The following CCDC73 variants were observed in gnomAD, a reference collection of about 807,000 sequenced individuals.
CCDC73 encodes coiled-coil domain-containing protein 73.
In CCDC73, 95 loss-of-function variants were observed where a neutral mutation model predicts 116.5. The observed-to-expected ratio is 0.82, with a 90% confidence interval of 0.69 to 0.97. CCDC73 has a LOEUF of 0.97. Ranked by LOEUF, CCDC73 falls within the 50% of genes least tolerant of loss-of-function variation. The pLI, the probability that CCDC73 is intolerant of heterozygous loss-of-function variation, is 0.00. For missense variants in CCDC73, 1,066 were observed against 1,206.8 expected (o/e 0.88, Z 1.73); for synonymous variants, 398 against 401.3 (o/e 0.99, Z 0.10).
intron 14 of CCDC73, among the ~76,000 whole-genome samples, chr11:32,620,610 C>CAA (rs57643752): frequency 0.11 from 6,622 of 61,134 alleles, 634 homozygotes; most frequent in Middle Eastern, 0.12. Context: ...GACTCAGTCT[C>CAA]AAAAAAAAAA....
chr11:32,773,779 C>CAA (rs11448530), intron 1 of CCDC73, among the ~76,000 whole-genome samples: 2,611 of 144,468 alleles, frequency 0.018, 76 homozygotes, highest in African/African-American at 0.059. Flanking sequence ...GATGCTGTCT[C>CAA]AAAAAAAAAA....
the CCDC73 span, among the ~76,000 whole-genome samples, chr11:32,828,475 A>G: frequency 5.3e-5 from 8 of 150,126 alleles, no homozygotes; most frequent in African/African-American, 2.0e-4. Context: ...GTGCCACTGT[A>G]CTCCAGCCTG....
chr11:32,760,586 G>A (rs1343515278), intron 1 of CCDC73, among the ~76,000 whole-genome samples: 1 of 152,144 alleles, frequency 6.6e-6, no homozygotes, highest in Non-Finnish European at 1.5e-5. Context: ...TACACATTCT[G>A]CTTCCTAAAC....
intron 9 of CCDC73, among the ~76,000 whole-genome samples, chr11:32,669,404 T>C (rs1333018648): frequency 2.0e-5 from 3 of 152,186 alleles, no homozygotes; most frequent in Admixed American, 6.5e-5. Flanking sequence ...CAGTGTGTAA[T>C]AGTCACATCA....
In CCDC73 at chr11:32,755,535, A is replaced by AT. The variant is rs1366009253; in HGVS notation, c.135+4573_135+4574insA. 8.0e-4 allele frequency among the ~76,000 whole-genome samples: 74 copies of AT among 92,098 alleles called. 1 individual carries two copies. The highest frequency in any genetic ancestry group is 3.3e-3 in the African/African-American group (70 of 21,282). The allele number at this position is 92,098 out of a possible 152,430, so 60.4% of individuals were successfully genotyped here. On this transcript the variant is annotated intron_variant, in intron 2 of 17. Transcript: ENST00000335185. Reference sequence around the variant, plus strand: ...GGTGACAAAGCAAGACTCCATCTCAAAATATATATATATATATATATATAT... The same window carrying AT: ...GGTGACAAAGCAAGACTCCATCTCAATAATATATATATATATATATATATAT...
intron 2 of CCDC73, among the ~76,000 whole-genome samples, chr11:32,719,093 A>G (rs935422505): frequency 6.6e-6 from 1 of 152,232 alleles, no homozygotes; most frequent in Admixed American, 6.5e-5. Flanking sequence ...GAAGCAGGAC[A>G]AAGAAAAGAC....
At chr11:32,718,778 C>T (rs1231798984) in intron 2 of CCDC73, among the ~76,000 whole-genome samples, 1 of 152,186 alleles carries the variant, frequency 6.6e-6, no homozygotes, top group Admixed American at 6.5e-5. Flanking sequence ...GCAGACCTAT[C>T]TTCCTTATCT....
intron 1 of CCDC73, among the ~76,000 whole-genome samples, chr11:32,786,924 C>T (rs1401276225): frequency 6.6e-6 from 1 of 152,102 alleles, no homozygotes; most frequent in African/African-American, 2.4e-5. Flanking sequence ...CATGATGATC[C>T]TTTAATGGAA....
chr11:32,650,883 GA>G (rs1432451232), intron 12 of CCDC73, among the ~76,000 whole-genome samples: 3 of 152,054 alleles, frequency 2.0e-5, no homozygotes, highest in African/African-American at 7.2e-5. Flanking sequence ...AAAACACAGG[GA>G]AAAAAGTGCT....
intron 1 of CCDC73, among the ~76,000 whole-genome samples, chr11:32,785,529 G>C (rs1850620128): frequency 6.6e-6 from 1 of 152,170 alleles, no homozygotes; most frequent in South Asian, 2.1e-4. Context: ...AGCCTCCCAA[G>C]TAGCTGGGAC....
rs541044399 is a variant in CCDC73 at position 32,736,594 on chromosome 11, T to A, written c.136-18447A>T. On this transcript the variant is annotated intron_variant, in intron 2 of 17. Transcript: ENST00000335185. ...TAAACTAGTTCAACCATTGTGGAAG[T>A]CAGTGTGGCGATTCCTCAAGGATCT... Among the ~76,000 whole-genome samples the A allele has an allele frequency of 9.7e-4, 148 of 152,070 alleles. 1 individual carries two copies. Among genetic ancestry groups the A allele is most frequent in the East Asian group, 1.2e-3 (6 of 5,186 alleles).
chr11:32,653,949 T>G (rs1428034003), intron 11 of CCDC73, 29 bp downstream of exon 11: 2 of 1,583,568 alleles, frequency 1.3e-6, no homozygotes, highest in Non-Finnish European at 1.7e-6. Flanking sequence ...GAATATTTAC[T>G]GGCTTCCAAA....
At chr11:32,759,230 T>C (rs957492139) in intron 2 of CCDC73, among the ~76,000 whole-genome samples, 1 of 151,974 alleles carries the variant, frequency 6.6e-6, no homozygotes, top group Non-Finnish European at 1.5e-5. Flanking sequence ...CTATCCTATA[T>C]AGAGTTAAAA....
intron 14 of CCDC73, among the ~76,000 whole-genome samples, chr11:32,624,912 T>G (rs1435919641): frequency 6.6e-6 from 1 of 152,248 alleles, no homozygotes; most frequent in Non-Finnish European, 1.5e-5. Flanking sequence ...ACCATCATTC[T>G]GAGCAAACTG....
rs371476074 is a variant in CCDC73, at chr11:32,635,817, T to A, written c.1064A>T (p.Asn355Ile). The change falls in exon 14 of 18, where the codon AAT becomes ATT. Residue 355 changes from asparagine to isoleucine, a missense_variant. Physicochemically the swap from Asn to Ile is moderately radical, Grantham distance 149. Coordinates refer to ENST00000335185, the MANE Select transcript of CCDC73 (RefSeq NM_001008391.4). ...ATTTTTAATCTTATTAATTTCTCCA[T>A]TAAGTTCTTCAGCCTATTATAAAAA... Reference protein sequence around the residue: ...GTWKRHAEELNGEINKIKNEL... With the variant: ...GTWKRHAEELIGEINKIKNEL... 1 of 1,187,080 alleles carries A rather than the reference T, an allele frequency of 8.4e-7. No homozygotes were observed. Among genetic ancestry groups the A allele is most frequent in the Non-Finnish European group, 1.1e-6 (1 of 923,294 alleles). 73.5% of individuals were successfully genotyped at this position (1,187,080 alleles called of 1,614,324 possible).
the CCDC73 span, among the ~76,000 whole-genome samples, chr11:32,813,656 C>A: frequency 6.6e-6 from 1 of 152,148 alleles, no homozygotes; most frequent in Admixed American, 6.5e-5. Flanking sequence ...AGAATGATTT[C>A]TTTAATATTT....
At chr11:32,766,467 G>A (rs1234959947) in intron 1 of CCDC73, among the ~76,000 whole-genome samples, 3 of 152,158 alleles carry the variant, frequency 2.0e-5, no homozygotes, top group Non-Finnish European at 2.9e-5. Context: ...GGGCAATCAG[G>A]CAGGAGAAAG....
At chr11:32,720,599 T>C (rs974384794) in intron 2 of CCDC73, among the ~76,000 whole-genome samples, 2 of 152,116 alleles carry the variant, frequency 1.3e-5, no homozygotes, top group African/African-American at 4.8e-5. Context: ...GATGATATGA[T>C]TGTATGCATA....
At chr11:32,689,571 T>C (rs1039193367) in intron 6 of CCDC73, among the ~76,000 whole-genome samples, 1 of 151,564 alleles carries the variant, frequency 6.6e-6, no homozygotes, top group African/African-American at 2.4e-5. Flanking sequence ...TATGAAAAAA[T>C]ATAAGACACT....
Sources: allele counts gnomAD v4.1 joint callset (sites outside exome capture counted in the v4.1 genomes callset), GRCh38; gene constraint gnomAD v4.1.1; transcripts MANE v1.5; gene names NCBI Gene and HGNC (gene_info 2026-07-23, HGNC 2026-07-21).